The following CSMD3 variants were observed in gnomAD, a reference collection of about 807,000 sequenced individuals.
CSMD3 encodes CUB and Sushi multiple domains 3.
CSMD3 carries 177 observed loss-of-function variants against 435.2 expected under a neutral mutation model. The ratio of observed to expected loss-of-function variants is 0.41; its 90% CI spans 0.36 to 0.46. CSMD3 has a LOEUF of 0.46. CSMD3 is among the 20% of genes least tolerant of loss of function. CSMD3 has a pLI of 0.34. For missense variants in CSMD3, 4,265 were observed against 4,504.6 expected (o/e 0.95, Z 1.52); for synonymous variants, 1,656 against 1,520.5 (o/e 1.09, Z -2.07).
intron 4 of CSMD3, among the ~76,000 whole-genome samples, chr8:113,155,595 G>GTCA (rs1328832306): frequency 6.6e-6 from 1 of 151,958 alleles, no homozygotes; most frequent in Non-Finnish European, 1.5e-5. Flanking sequence ...ACAAAAGGGG[G>GTCA]ATTGAAGTAG....
intron 13 of CSMD3, among the ~76,000 whole-genome samples, chr8:112,696,162 T>C (rs921658366): frequency 1.3e-5 from 2 of 152,164 alleles, no homozygotes; most frequent in African/African-American, 2.4e-5. Flanking sequence ...AGGTAATTTA[T>C]AGATTCAATG....
intron 1 of CSMD3, among the ~76,000 whole-genome samples, chr8:113,370,412 G>GTTT (rs113514823): frequency 3.5e-5 from 5 of 144,594 alleles, no homozygotes; most frequent in African/African-American, 7.5e-5. Context: ...TTGTGATTAG[G>GTTT]TTTTTTTTTT....
At chr8:113,320,886 C>T (rs1051116112) in intron 1 of CSMD3, among the ~76,000 whole-genome samples, 5 of 152,086 alleles carry the variant, frequency 3.3e-5, no homozygotes, top group African/African-American at 1.2e-4. Context: ...CTGTTTCCAC[C>T]CTTTGCTATA....
intron 3 of CSMD3, among the ~76,000 whole-genome samples, chr8:113,240,160 C>T (rs2093197805): frequency 6.6e-6 from 1 of 152,070 alleles, no homozygotes; most frequent in African/African-American, 2.4e-5. Flanking sequence ...CAGCTCCATC[C>T]ATGTCCTCCT....
chr8:112,286,270 C>T (rs1819187199), intron 58 of CSMD3, among the ~76,000 whole-genome samples: 1 of 152,122 alleles, frequency 6.6e-6, no homozygotes, highest in Non-Finnish European at 1.5e-5. Flanking sequence ...CTAGTCTCCC[C>T]TTATCTACTA....
At chr8:112,624,609 T>C (rs944209763) in intron 22 of CSMD3, among the ~76,000 whole-genome samples, 2 of 152,040 alleles carry the variant, frequency 1.3e-5, no homozygotes, top group African/African-American at 4.8e-5. Context: ...CTAGAAAGAT[T>C]AGTGACTACC....
intron 59 of CSMD3, among the ~76,000 whole-genome samples, chr8:112,275,029 T>C (rs1048666331): frequency 1.3e-5 from 2 of 152,008 alleles, no homozygotes; most frequent in African/African-American, 4.8e-5. Context: ...ACCTCCCCAT[T>C]CCCCTTCTAC....
rs149302500 is a variant in CSMD3, at chr8:113,279,665, C to T, written c.402-961G>A. 1.0e-3 allele frequency among the ~76,000 whole-genome samples: 152 copies of T among 151,504 alleles called. 1 individual carries two copies. The highest frequency in any genetic ancestry group is 3.1e-4 in the Non-Finnish European group (21 of 67,650). ...TTTTTAATTTTAATCAATGAGAGAA[C>T]AAAATGTATTTTTTAAAAGTTATTT... On this transcript the variant is annotated intron_variant, in intron 2 of 70. Coordinates refer to ENST00000297405, the MANE Select transcript of CSMD3 (RefSeq NM_198123.2).
intron 2 of CSMD3, among the ~76,000 whole-genome samples, chr8:113,302,626 C>A (rs1231530366): frequency 6.6e-6 from 1 of 151,858 alleles, no homozygotes; most frequent in Non-Finnish European, 1.5e-5. Context: ...ATCAAATGGT[C>A]ACTTCGATTA....
At chr8:112,362,680 A>T (rs1303605493) in intron 38 of CSMD3, among the ~76,000 whole-genome samples, 2 of 123,122 alleles carry the variant, frequency 1.6e-5, no homozygotes, top group African/African-American at 5.4e-5. Context: ...GAGGAGTTTG[A>T]TTTGACAGAT....
At chr8:112,623,897 A>T (rs192053614) in intron 22 of CSMD3, among the ~76,000 whole-genome samples, 2 of 152,188 alleles carry the variant, frequency 1.3e-5, no homozygotes, top group African/African-American at 4.8e-5. Flanking sequence ...TGAATAGATG[A>T]GTGAATAAAT....
intron 56 of CSMD3, among the ~76,000 whole-genome samples, chr8:112,291,215 C>G (rs538654163): frequency 6.6e-6 from 1 of 151,814 alleles, no homozygotes; most frequent in East Asian, 1.9e-4. Flanking sequence ...GTGTAGTTGC[C>G]TCTTACAGAC....
intron 61 of CSMD3, among the ~76,000 whole-genome samples, chr8:112,257,319 T>TAGGA (rs1445834639): frequency 2.0e-5 from 3 of 152,164 alleles, no homozygotes; most frequent in African/African-American, 7.2e-5. Context: ...GGTATTCAAA[T>TAGGA]AGGAAGACAG....
chr8:113,296,046 G>A (rs953974725), intron 2 of CSMD3, among the ~76,000 whole-genome samples: 2 of 151,354 alleles, frequency 1.3e-5, no homozygotes, highest in Non-Finnish European at 2.9e-5. Flanking sequence ...CTATCGCAAG[G>A]ACAAAAAACC....
chr8:112,394,581 G>C (rs144381196), intron 35 of CSMD3, among the ~76,000 whole-genome samples: 7 of 152,016 alleles, frequency 4.6e-5, no homozygotes, highest in Non-Finnish European at 8.8e-5. Context: ...GCTTGAACAC[G>C]TCAAGATCTC....
chr8:112,698,700 T>C (rs1302987145), intron 13 of CSMD3, among the ~76,000 whole-genome samples: 1 of 152,074 alleles, frequency 6.6e-6, no homozygotes, highest in Non-Finnish European at 1.5e-5. Context: ...GTACAACACA[T>C]TGAATAAAAT....
intron 59 of CSMD3, among the ~76,000 whole-genome samples, chr8:112,280,184 G>C (rs1818486490): frequency 1.3e-5 from 2 of 152,126 alleles, no homozygotes; most frequent in South Asian, 2.1e-4. Context: ...AATACAAAAG[G>C]CCCTCCCACT....
intron 2 of CSMD3, among the ~76,000 whole-genome samples, chr8:113,297,964 A>G (rs1315606691): frequency 6.6e-6 from 1 of 152,100 alleles, no homozygotes; most frequent in Non-Finnish European, 1.5e-5. Flanking sequence ...AATATGTAGC[A>G]AATTAAAATT....
At chr8:113,325,119 T>C (rs2093975003) in intron 1 of CSMD3, among the ~76,000 whole-genome samples, 1 of 152,260 alleles carries the variant, frequency 6.6e-6, no homozygotes, top group African/African-American at 2.4e-5. Flanking sequence ...ACTTGCCTTG[T>C]GTCAGATGAG....
Sources: allele counts gnomAD v4.1 joint callset (sites outside exome capture counted in the v4.1 genomes callset), GRCh38; gene constraint gnomAD v4.1.1; transcripts MANE v1.5; gene names NCBI Gene and HGNC (gene_info 2026-07-23, HGNC 2026-07-21).